ABCB10: variants seen among roughly 807,000 people sequenced by gnomAD.
ABCB10 encodes the protein ATP-binding cassette sub-family B member 10, mitochondrial.
In ABCB10, 54 loss-of-function variants were observed where a neutral mutation model predicts 65.4. That is an observed-to-expected ratio of 0.83 (90% CI 0.66 to 1.04). ABCB10 has a LOEUF of 1.04. ABCB10 is among the 50% of genes least tolerant of loss of function. The pLI, the probability that ABCB10 is intolerant of heterozygous loss-of-function variation, is 0.00. For synonymous variants in ABCB10, 418 were observed against 406.5 expected (o/e 1.03, Z -0.34); for missense variants, 846 against 976.6 (o/e 0.87, Z 1.78).
chr1:229,540,993 A>G (rs1052665327), intron 4 of ABCB10, among the ~76,000 whole-genome samples: 1 of 152,208 alleles, frequency 6.6e-6, no homozygotes, highest in African/African-American at 2.4e-5. Context: ...GTTGTGGGGG[A>G]AAAAAATCTA....
chr1:229,547,017 G>A (rs1204533732), intron 3 of ABCB10, among the ~76,000 whole-genome samples: 1 of 152,152 alleles, frequency 6.6e-6, no homozygotes, highest in Non-Finnish European at 1.5e-5. Flanking sequence ...GGGCTGAATA[G>A]AAATACTGGT....
intron 7 of ABCB10, among the ~76,000 whole-genome samples, chr1:229,530,813 G>T (rs1662567099): frequency 6.6e-6 from 1 of 151,742 alleles, no homozygotes; most frequent in Non-Finnish European, 1.5e-5. Flanking sequence ...TGTAGCTCCA[G>T]AGTTTATCTT....
At chr1:229,552,519 A>G (rs979292891) in intron 1 of ABCB10, among the ~76,000 whole-genome samples, 4 of 152,176 alleles carry the variant, frequency 2.6e-5, no homozygotes, top group African/African-American at 7.2e-5. Context: ...ATGGAAACAA[A>G]TATCCTTCAA....
At chr1:229,546,108 G>C (rs374579146) in intron 3 of ABCB10, among the ~76,000 whole-genome samples, 9 of 149,906 alleles carry the variant, frequency 6.0e-5, no homozygotes, top group East Asian at 5.9e-4. Context: ...GGAGGAGGAG[G>C]TTGCAGTGAG....
chr1:229,536,506 T>TAAAAC (rs965347017), intron 6 of ABCB10, among the ~76,000 whole-genome samples: 21 of 151,252 alleles, frequency 1.4e-4, no homozygotes, highest in Admixed American at 1.2e-3. Context: ...ACCCTGTCTC[T>TAAAAC]AAAACAAAAC....
chr1:229,549,205 C>T, intron 2 of ABCB10, 29 bp downstream of exon 2: 2 of 1,611,838 alleles, frequency 1.2e-6, no homozygotes, highest in Non-Finnish European at 1.7e-6. Flanking sequence ...TTCAGGATGA[C>T]TCACATCCCT....
In ABCB10 at chr1:229,540,697, A is replaced by T; in HGVS notation, c.1112T>A (p.Met371Lys). The change falls in exon 5 of 13, where the codon ATG (methionine) becomes AAG (lysine). Residue 371 changes from methionine to lysine, a missense_variant. This residue lies in a region of ABCB10 where 632 missense variants were observed against 803.2 expected (regional missense o/e 0.79). Transcript: ENST00000344517. ...VRTVRAFGKE[M>K]TEIEKYASKV... ...GCTGGCATATTTCTCGATTTCAGTC[A>T]TTTCTTTCCCAAAAGCTCGAACAGT... The T allele has an allele frequency of 1.2e-6, 2 of 1,613,614 alleles. No individual in the cohort carries two copies. The highest frequency in any genetic ancestry group is 4.5e-5 in the East Asian group (2 of 44,880).
At chr1:229,555,990 A>AT (rs1392798168) in intron 1 of ABCB10, among the ~76,000 whole-genome samples, 1 of 151,966 alleles carries the variant, frequency 6.6e-6, no homozygotes, top group Non-Finnish European at 1.5e-5. Context: ...AAAAAAAAAA[A>AT]AAAAAATAGT....
chr1:229,519,970 AT>A (rs199668288), intron 11 of ABCB10, among the ~76,000 whole-genome samples: 2,444 of 151,372 alleles, frequency 0.016, 31 homozygotes, highest in Middle Eastern at 0.031. Context: ...TACCAAAAAA[AT>A]TTTTTTTTAA....
chr1:229,542,815 A>G (rs764393351), intron 3 of ABCB10, among the ~76,000 whole-genome samples: 1 of 151,950 alleles, frequency 6.6e-6, no homozygotes, highest in Non-Finnish European at 1.5e-5. Flanking sequence ...CAAAATGACC[A>G]AGATGGTGAA....
chr1:229,525,043 C>T (rs1484723147), intron 10 of ABCB10, among the ~76,000 whole-genome samples: 7 of 152,126 alleles, frequency 4.6e-5, no homozygotes, highest in East Asian at 1.9e-4. Context: ...TTAGTAGAGA[C>T]AGGGTTTCAC....
intron 9 of ABCB10, among the ~76,000 whole-genome samples, chr1:229,526,845 G>C (rs891790315): frequency 6.6e-6 from 1 of 152,178 alleles, no homozygotes; most frequent in Non-Finnish European, 1.5e-5. Flanking sequence ...CATAGTCTTT[G>C]CTCACTTTTC....
intron 1 of ABCB10, among the ~76,000 whole-genome samples, chr1:229,551,895 C>T (rs1023165280): frequency 2.6e-5 from 4 of 152,172 alleles, no homozygotes; most frequent in East Asian, 1.9e-4. Context: ...TGAATAATTC[C>T]GAAAGCACAG....
rs1165604545 is a variant in ABCB10 at position 229,542,324 on chromosome 1, A to G, written c.969T>C (p.Pro323=). The change falls in exon 4 of 13, where the codon CCT becomes CCC. Residue 323 remains proline, a synonymous_variant. Transcript: ENST00000344517. ...AAATTACAGCAATGATTGACACTGG[A>G]GGCACCACGCTCAAAACAAAGGTGG... ...NLATFVLSVV[P]PVSIIAVIYG... is the part of the protein sequence containing the mutation. 6.2e-7 allele frequency: 1 copy of G among 1,613,982 alleles called. No homozygotes were observed. The highest frequency in any genetic ancestry group is 2.2e-5 in the East Asian group (1 of 44,888).
At chr1:229,537,224 G>A (rs1159856599) in intron 6 of ABCB10, among the ~76,000 whole-genome samples, 2 of 152,204 alleles carry the variant, frequency 1.3e-5, no homozygotes, top group South Asian at 2.1e-4. Context: ...GATGGAGGTA[G>A]TGGTTGCACA....
chr1:229,555,247 C>T (rs1022005693), intron 1 of ABCB10, among the ~76,000 whole-genome samples: 1 of 152,248 alleles, frequency 6.6e-6, no homozygotes, highest in Non-Finnish European at 1.5e-5. Flanking sequence ...AGAGCCTCAT[C>T]TATCTGCCAG....
chr1:229,544,027 A>G (rs1375132274), intron 3 of ABCB10, among the ~76,000 whole-genome samples: 2 of 152,176 alleles, frequency 1.3e-5, no homozygotes, highest in Admixed American at 6.5e-5. Flanking sequence ...AACTGTCCAG[A>G]ACCACCCCCC....
At chr1:229,554,515 C>T (rs1325484140) in intron 1 of ABCB10, among the ~76,000 whole-genome samples, 2 of 152,172 alleles carry the variant, frequency 1.3e-5, no homozygotes, top group Non-Finnish European at 2.9e-5. Flanking sequence ...ATTTAAACTT[C>T]TCTAGTTGCC....
chr1:229,540,757 G>A lies in ABCB10; in HGVS notation c.1057-5C>T, dbSNP rs748229358. The A allele has an allele frequency of 1.2e-6, 2 of 1,610,564 alleles. No individual in the cohort carries two copies. The highest frequency in any genetic ancestry group is 1.7e-4 in the Middle Eastern group (1 of 5,982). ...TCCAATACGTTCCTCAGCTAGCTGG[G>A]AGAATAATAAATACATTTCAGGAGG... is the stretch of plus-strand genomic sequence containing the variant. On this transcript the variant is annotated splice_polypyrimidine_tract_variant and splice_region_variant and intron_variant, in intron 4 of 12. Transcript: ENST00000344517.
Sources: allele counts gnomAD v4.1 joint callset (sites outside exome capture counted in the v4.1 genomes callset), GRCh38; gene constraint gnomAD v4.1.1; regional missense constraint gnomAD v4.1.1; transcripts MANE v1.5; gene names NCBI Gene and HGNC (gene_info 2026-07-23, HGNC 2026-07-21).